Variants in FBXO34 observed in about 807,000 individuals in gnomAD.
FBXO34 encodes the protein F-box protein 34.
FBXO34 carries 12 observed loss-of-function variants against 24.5 expected under a neutral mutation model. The observed-to-expected ratio is 0.49, with a 90% confidence interval of 0.31 to 0.79. The LOEUF (loss-of-function observed/expected upper bound fraction) is 0.79, where lower values mean the gene tolerates loss of function less well. FBXO34 is among the 30% of genes least tolerant of loss of function. The pLI, the probability that FBXO34 is intolerant of heterozygous loss-of-function variation, is 0.04. For missense variants in FBXO34, 823 were observed against 857.7 expected (o/e 0.96, Z 0.51); for synonymous variants, 320 against 311.9 (o/e 1.03, Z -0.27).
At chr14:55,422,295 A>G in the FBXO34 span, among the ~76,000 whole-genome samples, 3 of 152,114 alleles carry the variant, frequency 2.0e-5, no homozygotes, top group African/African-American at 7.2e-5. Flanking sequence ...TAAAAAGACA[A>G]AAGTAGACTA....
At chr14:55,346,453 T>C (rs1208880689) in intron 1 of FBXO34, among the ~76,000 whole-genome samples, 1 of 152,248 alleles carries the variant, frequency 6.6e-6, no homozygotes, top group Non-Finnish European at 1.5e-5. Flanking sequence ...GAGGCTATCA[T>C]TAACTAGTAG....
the FBXO34 span, among the ~76,000 whole-genome samples, chr14:55,385,687 C>T: frequency 6.6e-6 from 1 of 152,228 alleles, no homozygotes; most frequent in Non-Finnish European, 1.5e-5. Context: ...ACCTCGCTGC[C>T]TCCCCAGCTT....
chr14:55,322,895 C>T (rs532600171), intron 1 of FBXO34, among the ~76,000 whole-genome samples: 22 of 149,956 alleles, frequency 1.5e-4, no homozygotes, highest in South Asian at 1.1e-3. Context: ...TTTTTTTGGC[C>T]GGGCACGGTG....
At chr14:55,413,802 A>G in the FBXO34 span, 2 of 368,932 alleles carry the variant, frequency 5.4e-6, no homozygotes, top group Non-Finnish European at 1.1e-5. Context: ...CAGTAAGCAC[A>G]TTCATTCTCT....
At chr14:55,311,665 G>A (rs1372351313) in intron 1 of FBXO34, among the ~76,000 whole-genome samples, 1 of 152,044 alleles carries the variant, frequency 6.6e-6, no homozygotes, top group Non-Finnish European at 1.5e-5. Flanking sequence ...CCAAACAAAG[G>A]GCCTGCAGGT....
the FBXO34 span, among the ~76,000 whole-genome samples, chr14:55,432,442 A>AACAAAAAAAAAAAAC: frequency 1.3e-4 from 20 of 149,164 alleles, no homozygotes; most frequent in African/African-American, 4.5e-4. Flanking sequence ...ATAAACAAAC[A>AACAAAAAAAAAAAAC]ACAAAAAAAA....
chr14:55,375,438 T>C, the FBXO34 span, among the ~76,000 whole-genome samples: 1 of 148,818 alleles, frequency 6.7e-6, no homozygotes, highest in Non-Finnish European at 1.5e-5. Flanking sequence ...CCCTCCCACC[T>C]CAGCCTCCAC....
chr14:55,366,231 T>C (rs1269063400), downstream of FBXO34, among the ~76,000 whole-genome samples: 2 of 152,192 alleles, frequency 1.3e-5, no homozygotes, highest in Non-Finnish European at 2.9e-5. Flanking sequence ...TAATCCATAA[T>C]TTTAAAAAAT....
chr14:55,371,567 G>A (rs1011253689), downstream of FBXO34, among the ~76,000 whole-genome samples: 10 of 152,264 alleles, frequency 6.6e-5, no homozygotes, highest in Middle Eastern at 3.4e-3. Flanking sequence ...AGCACTTTGG[G>A]AGGCTGCGGC....
intron 1 of FBXO34, among the ~76,000 whole-genome samples, chr14:55,300,061 AT>A (rs1165650753): frequency 6.6e-6 from 1 of 152,212 alleles, no homozygotes; most frequent in Non-Finnish European, 1.5e-5. Flanking sequence ...ATATGTATAT[AT>A]CCACAATACC....
chr14:55,308,020 A>G lies in FBXO34; in HGVS notation c.-11+36483A>G, dbSNP rs72715780. 1.8e-3 allele frequency among the ~76,000 whole-genome samples: 278 copies of G among 152,296 alleles called. 2 individuals carry two copies. Among genetic ancestry groups the G allele is most frequent in the Non-Finnish European group, 3.2e-3 (219 of 68,026 alleles). The stretch of plus-strand genomic sequence containing the variant: ...CTCCCATACTGTTCTCCTCGTGGTA[A>G]TAAGTCTCACGAGATCCGATGGTTT... On this transcript the variant is annotated intron_variant, in intron 1 of 1. Transcript: ENST00000313833.
chr14:55,306,706 G>A (rs917817315), intron 1 of FBXO34, among the ~76,000 whole-genome samples: 4 of 152,172 alleles, frequency 2.6e-5, no homozygotes, highest in Non-Finnish European at 5.9e-5. Context: ...GGTGGCACAC[G>A]CCTGTAATCC....
At chr14:55,336,367 C>T (rs1883774828) in intron 1 of FBXO34, among the ~76,000 whole-genome samples, 1 of 152,210 alleles carries the variant, frequency 6.6e-6, no homozygotes, top group African/African-American at 2.4e-5. Flanking sequence ...CATCAGACAG[C>T]CTGGGGCTCA....
chr14:55,391,368 C>G, the FBXO34 span: 1 of 157,810 alleles, frequency 6.3e-6, no homozygotes, highest in Admixed American at 6.6e-5. Flanking sequence ...CCCAGCTACT[C>G]GGGAGGCTGC....
the FBXO34 span, chr14:55,428,985 G>A: frequency 6.2e-7 from 1 of 1,613,512 alleles, no homozygotes. Context: ...CTGGGGAGGG[G>A]CAAATATGTT....
downstream of FBXO34, among the ~76,000 whole-genome samples, chr14:55,373,213 T>A (rs181373449): frequency 1.3e-5 from 2 of 152,366 alleles, no homozygotes; most frequent in East Asian, 3.9e-4. Context: ...ATAATGGATA[T>A]CTTTTTATTC....
At chr14:55,298,206 T>G (rs918962230) in intron 1 of FBXO34, among the ~76,000 whole-genome samples, 7 of 70,510 alleles carry the variant, frequency 9.9e-5, no homozygotes, top group East Asian at 4.3e-4. Flanking sequence ...ACACTGTGAG[T>G]TTTTTTTTTT....
intron 1 of FBXO34, among the ~76,000 whole-genome samples, chr14:55,310,047 C>G (rs56025678): frequency 0.035 from 5,401 of 152,188 alleles, 125 homozygotes; most frequent in Non-Finnish European, 0.055. Flanking sequence ...TTGGAAAACT[C>G]AGGATGGAAA....
chr14:55,317,077 G>C (rs992094872), intron 1 of FBXO34, among the ~76,000 whole-genome samples: 1 of 152,110 alleles, frequency 6.6e-6, no homozygotes, highest in African/African-American at 2.4e-5. Context: ...AATAATGGCT[G>C]ATCAGATTTC....
Sources: allele counts gnomAD v4.1 joint callset (sites outside exome capture counted in the v4.1 genomes callset), GRCh38; gene constraint gnomAD v4.1.1; transcripts MANE v1.5; gene names NCBI Gene and HGNC (gene_info 2026-07-23, HGNC 2026-07-21).